The following LRRK1 variants were observed in gnomAD, a reference collection of about 807,000 sequenced individuals.
LRRK1 encodes the protein leucine rich repeat kinase 1, also known as leucine-rich repeat serine/threonine-protein kinase 1.
LRRK1 carries 113 observed loss-of-function variants against 209.1 expected under a neutral mutation model. The ratio of observed to expected loss-of-function variants is 0.54; its 90% CI spans 0.46 to 0.63. LRRK1 has a LOEUF of 0.63. LRRK1 is among the 30% of genes least tolerant of loss of function. LRRK1 has a pLI of 0.00. For missense variants in LRRK1, 2,284 were observed against 2,632.2 expected, an observed-to-expected ratio of 0.87 and a Z score of 2.89; for synonymous variants, 1,144 against 1,099.7, an observed-to-expected ratio of 1.04 and a Z score of -0.80.
Position 100,971,687 on chromosome 15 carries a change from A to G in LRRK1, c.98-2117A>G, listed in dbSNP as rs564000238. Among the ~76,000 whole-genome samples, 3 of 152,260 alleles carry G rather than the reference A, an allele frequency of 2.0e-5. No homozygotes were observed. The South Asian group carries it at 6.2e-4, about 32-fold the overall frequency. ...TGAATACAGTACATTTTTGTTAACT[A>G]TAGTCACCCTACTCTGCTATCAAAC... On this transcript the variant is annotated intron_variant, in intron 2 of 33. Transcript: ENST00000388948.
chr15:100,966,425 A>G (rs2030464873), intron 2 of LRRK1, among the ~76,000 whole-genome samples: 2 of 152,226 alleles, frequency 1.3e-5, no homozygotes, highest in Non-Finnish European at 2.9e-5. Flanking sequence ...AAGCAGTCAT[A>G]TATTCCCATC....
At chr15:101,040,287 T>C (rs192875108) in intron 20 of LRRK1, among the ~76,000 whole-genome samples, 7 of 152,142 alleles carry the variant, frequency 4.6e-5, no homozygotes, top group Non-Finnish European at 8.8e-5. Flanking sequence ...TATTTTTTTT[T>C]CAATAAATTT....
At chr15:100,944,173 T>G (rs1213448579) in intron 2 of LRRK1, among the ~76,000 whole-genome samples, 1 of 152,072 alleles carries the variant, frequency 6.6e-6, no homozygotes, top group Non-Finnish European at 1.5e-5. Context: ...ATCAGGATAT[T>G]GCTCATGAAA....
intron 21 of LRRK1, among the ~76,000 whole-genome samples, chr15:101,047,354 G>A (rs1464436786): frequency 3.3e-5 from 5 of 152,160 alleles, no homozygotes; most frequent in Non-Finnish European, 4.4e-5. Flanking sequence ...TGAAGGAGTG[G>A]GCGCAGGCGC....
Position 101,065,190 on chromosome 15 carries a change from G to A in LRRK1, c.4915-162G>A, listed in dbSNP as rs140356140. 1,747 of 723,740 alleles carry A rather than the reference G, an allele frequency of 2.4e-3. 5 individuals are homozygous for A. Among genetic ancestry groups the A allele is most frequent in the Non-Finnish European group, 3.3e-3 (1,458 of 443,288 alleles). 44.8% of individuals were successfully genotyped at this position (723,740 alleles called of 1,614,324 possible). The stretch of plus-strand genomic sequence containing the variant: ...CGGAGTCAGAGCTGCACTTCTTTAG[G>A]AGTAGCCCCGGCCTTTCTAAGAGAT... On this transcript the variant is annotated intron_variant, in intron 31 of 33. Transcript: ENST00000388948.
At chr15:101,035,907 G>A (rs1175140702) in intron 20 of LRRK1, among the ~76,000 whole-genome samples, 2 of 152,138 alleles carry the variant, frequency 1.3e-5, no homozygotes, top group Non-Finnish European at 2.9e-5. Flanking sequence ...GATCCCTTGA[G>A]CAGTTCTTAT....
intron 27 of LRRK1, 22 bp from the exon 28 acceptor site, chr15:101,056,834 A>G: frequency 6.4e-7 from 1 of 1,560,694 alleles, no homozygotes; most frequent in Non-Finnish European, 8.7e-7. Flanking sequence ...CAGCGACCTG[A>G]CTTGGCTTGT....
intron 5 of LRRK1, 151 bp from the exon 6 acceptor site, chr15:100,989,099 C>G (rs2032026054): frequency 3.9e-6 from 3 of 768,934 alleles, no homozygotes; most frequent in Non-Finnish European, 6.4e-6. Flanking sequence ...CTCCCACTAA[C>G]AGAAACTTGA....
chr15:101,065,257 T>A, intron 31 of LRRK1, 95 bp from the exon 32 acceptor site: 2 of 1,459,684 alleles, frequency 1.4e-6, no homozygotes, highest in South Asian at 2.6e-5. Context: ...ACTGCCCGCC[T>A]GGTGTGGGTG....
intron 2 of LRRK1, among the ~76,000 whole-genome samples, chr15:100,962,884 C>T (rs184872729): frequency 3.9e-4 from 46 of 117,352 alleles, no homozygotes; most frequent in Non-Finnish European, 6.4e-4. Flanking sequence ...GGTGCAATGG[C>T]GCAATCTCGG....
intron 2 of LRRK1, among the ~76,000 whole-genome samples, chr15:100,972,698 C>T (rs2030998924): frequency 6.6e-6 from 1 of 152,082 alleles, no homozygotes. Flanking sequence ...CTTCTCAGCT[C>T]CGTTTTAGTT....
At chr15:100,950,825 C>T (rs1040237403) in intron 2 of LRRK1, among the ~76,000 whole-genome samples, 10 of 152,324 alleles carry the variant, frequency 6.6e-5, no homozygotes, top group African/African-American at 1.7e-4. Flanking sequence ...AAGAGCAGGC[C>T]GGGCGCGGTG....
At position 100,972,489 on chromosome 15, in the gene LRRK1, T is replaced by C. The variant is rs368199866; in HGVS notation, c.98-1315T>C. Among the ~76,000 whole-genome samples the C allele has an allele frequency of 2.0e-4, 31 of 152,022 alleles. 2 individuals carry two copies. The highest frequency in any genetic ancestry group is 8.5e-4 in the Admixed American group (13 of 15,262). On this transcript the variant is annotated intron_variant, in intron 2 of 33. Coordinates refer to ENST00000388948, the MANE Select transcript of LRRK1 (RefSeq NM_024652.6). ...TATGTGTGTTTTTCAAGAAAACTTA[T>C]TAGTATTAGCAAGGTTTTGGAGAGT... is the stretch of plus-strand genomic sequence containing the variant.
chr15:101,034,666 A>T (rs563408858), intron 20 of LRRK1, among the ~76,000 whole-genome samples: 75 of 152,254 alleles, frequency 4.9e-4, no homozygotes, highest in Non-Finnish European at 5.9e-5. Context: ...GCTTTGTAGT[A>T]TATTTTGAAG....
intron 2 of LRRK1, among the ~76,000 whole-genome samples, chr15:100,925,748 C>T (rs530164103): frequency 6.6e-6 from 1 of 152,340 alleles, no homozygotes; most frequent in South Asian, 2.1e-4. Context: ...TCACGACAAC[C>T]TGGCACATGG....
chr15:101,029,291 G>A, intron 20 of LRRK1, 59 bp downstream of exon 20: 2 of 1,510,332 alleles, frequency 1.3e-6, no homozygotes, highest in Non-Finnish European at 1.8e-6. Context: ...GAGGGAGTTG[G>A]GGTCTGGAGC....
At chr15:101,047,301 C>G (rs937644120) in intron 21 of LRRK1, among the ~76,000 whole-genome samples, 1 of 152,208 alleles carries the variant, frequency 6.6e-6, no homozygotes, top group African/African-American at 2.4e-5. Flanking sequence ...CCTGTGCTAG[C>G]GGGGAGGGAG....
Position 100,988,831 on chromosome 15 carries a change from C to A in LRRK1, c.613+18C>A, listed in dbSNP as rs1353960737. ...CAAGTCAGGTGGGTTTCCCCACTACCCTGAGTCAACCCTGACCGTGCAAAC... is the reference window on the plus strand; with the variant it reads ...CAAGTCAGGTGGGTTTCCCCACTACACTGAGTCAACCCTGACCGTGCAAAC... On this transcript the variant is annotated intron_variant, in intron 5 of 33. Coordinates refer to ENST00000388948, the MANE Select transcript of LRRK1 (RefSeq NM_024652.6). The A allele has an allele frequency of 1.3e-6, 2 of 1,574,902 alleles. No individual in the cohort carries two copies. Among genetic ancestry groups the A allele is most frequent in the Non-Finnish European group, 1.7e-6 (2 of 1,155,520 alleles).
Position 101,001,521 on chromosome 15 carries a change from A to G in LRRK1, c.763-7316A>G, listed in dbSNP as rs530660792. 7.9e-5 allele frequency among the ~76,000 whole-genome samples: 12 copies of G among 152,024 alleles called. No homozygotes were observed. The South Asian group carries it at 2.3e-3, about 29-fold the overall frequency. On this transcript the variant is annotated intron_variant, in intron 6 of 33. Transcript: ENST00000388948. ...CTTCTTTGGCTGTTCAGTTGTTCTT[A>G]TTGTTACTTCTGCGTATCAGAATGT...
Sources: gnomAD v4.1 joint callset for allele counts (sites outside exome capture counted in the v4.1 genomes callset) on GRCh38, gnomAD v4.1.1 for gene constraint, MANE v1.5 for transcripts, NCBI Gene and HGNC (gene_info 2026-07-23, HGNC 2026-07-21) for gene names.